Variants in PTPRN2 observed in about 807,000 individuals in gnomAD.
PTPRN2 encodes protein tyrosine phosphatase receptor type N2.
Under a neutral mutation model 118.8 loss-of-function variants are expected in PTPRN2, and 74 were observed. That is an observed-to-expected ratio of 0.62 (90% CI 0.52 to 0.76). PTPRN2 has a LOEUF of 0.76. Among genes scored for constraint, PTPRN2 ranks in the 30% least tolerant of loss-of-function variants. PTPRN2 has a pLI of 0.00. For missense variants in PTPRN2, 1,481 were observed against 1,394.4 expected, an observed-to-expected ratio of 1.06 and a Z score of -0.99; for synonymous variants, 641 against 608.0, an observed-to-expected ratio of 1.05 and a Z score of -0.80.
intron 3 of PTPRN2, among the ~76,000 whole-genome samples, chr7:158,289,825 TA>T (rs920028954): frequency 6.6e-6 from 1 of 152,200 alleles, no homozygotes; most frequent in Non-Finnish European, 1.5e-5. Context: ...TTCGCCTGGG[TA>T]AGCCCTTCAT....
intron 6 of PTPRN2, among the ~76,000 whole-genome samples, chr7:158,155,495 A>G (rs201344695): frequency 2.3e-4 from 28 of 120,246 alleles, no homozygotes; most frequent in South Asian, 5.6e-4. Flanking sequence ...CATCACCATC[A>G]CCATCATCAC....
At chr7:157,738,589 A>G (rs1159480949) in intron 12 of PTPRN2, among the ~76,000 whole-genome samples, 1 of 152,236 alleles carries the variant, frequency 6.6e-6, no homozygotes, top group Non-Finnish European at 1.5e-5. Flanking sequence ...GCTTAGGACA[A>G]AATCCATGTT....
chr7:157,958,549 C>T (rs913820585), intron 11 of PTPRN2, among the ~76,000 whole-genome samples: 13 of 152,100 alleles, frequency 8.5e-5, no homozygotes, highest in Admixed American at 6.5e-4. Flanking sequence ...AATTTATTAA[C>T]AAATTTAGTA....
intron 1 of PTPRN2, among the ~76,000 whole-genome samples, chr7:158,522,578 G>A (rs138744974): frequency 6.8e-4 from 103 of 152,338 alleles, no homozygotes; most frequent in Admixed American, 2.5e-3. Context: ...ACAGCGAATC[G>A]CTCTCTGTAA....
intron 3 of PTPRN2, among the ~76,000 whole-genome samples, chr7:158,299,343 G>A (rs1306392836): frequency 2.6e-5 from 4 of 151,570 alleles, no homozygotes; most frequent in Non-Finnish European, 4.4e-5. Flanking sequence ...TGTTGCCCAG[G>A]CTGGAGTGCA....
At chr7:157,833,241 C>T (rs756012834) in intron 12 of PTPRN2, among the ~76,000 whole-genome samples, 23 of 147,814 alleles carry the variant, frequency 1.6e-4, no homozygotes, top group Non-Finnish European at 3.0e-4. Flanking sequence ...GGCCGGTGCC[C>T]ATCTATCCCA....
chr7:158,249,018 A>G (rs933966388), intron 3 of PTPRN2, among the ~76,000 whole-genome samples: 6 of 149,166 alleles, frequency 4.0e-5, no homozygotes, highest in Non-Finnish European at 8.9e-5. Context: ...ACATATGTGC[A>G]TACATAAACA....
intron 12 of PTPRN2, among the ~76,000 whole-genome samples, chr7:157,840,119 C>CCGCG (rs1808274979): frequency 1.4e-5 from 2 of 143,640 alleles, no homozygotes; most frequent in African/African-American, 5.4e-5. Context: ...GACTGTGTGA[C>CCGCG]TGTGACTGTG....
At chr7:158,329,412 C>T (rs919407347) in intron 2 of PTPRN2, among the ~76,000 whole-genome samples, 9 of 152,188 alleles carry the variant, frequency 5.9e-5, no homozygotes, top group African/African-American at 1.7e-4. Context: ...GGCTGTGTGC[C>T]GAAACCAGCC....
chr7:158,167,503 C>G lies in PTPRN2; in HGVS notation c.550-212G>C, dbSNP rs574584738. On this transcript the variant is annotated intron_variant, in intron 5 of 22. Transcript: ENST00000389418. ...ACTCTCATTTTCACACTGACCAACC[C>G]AGGTCCCTATTTCATATTTGTTCCT... is the stretch of plus-strand genomic sequence containing the variant. Among the ~76,000 whole-genome samples the G allele has an allele frequency of 6.6e-5, 10 of 152,282 alleles. 1 individual carries two copies. The East Asian group carries it at 1.9e-3, about 29-fold the overall frequency.
chr7:158,138,577 C>G, intron 6 of PTPRN2, 62 bp from the exon 7 acceptor site: 1 of 1,500,082 alleles, frequency 6.7e-7, no homozygotes. Context: ...GTGAGGGCCT[C>G]CAGACCATAG....
intron 11 of PTPRN2, among the ~76,000 whole-genome samples, chr7:158,018,312 T>C (rs1330177519): frequency 6.6e-6 from 1 of 152,210 alleles, no homozygotes; most frequent in Non-Finnish European, 1.5e-5. Flanking sequence ...AGGAAAAGGC[T>C]CTTGCCTGTA....
In PTPRN2 at chr7:158,313,783, T is replaced by A. The variant is rs187751008; in HGVS notation, c.277+3036A>T. 6.6e-5 allele frequency among the ~76,000 whole-genome samples: 10 copies of A among 152,392 alleles called. No homozygotes were observed. The East Asian group carries it at 1.9e-3, about 29-fold the overall frequency. On this transcript the variant is annotated intron_variant, in intron 3 of 22. Coordinates refer to ENST00000389418, the MANE Select transcript of PTPRN2 (RefSeq NM_002847.5). Reference sequence around the variant, plus strand: ...TTGCCATTATTTGGTTAGATTATTGTCATGTAATTTAAATTCATGGATATA... The same window carrying A: ...TTGCCATTATTTGGTTAGATTATTGACATGTAATTTAAATTCATGGATATA...
In PTPRN2 at chr7:158,570,177, G is replaced by T. The variant is rs1444367210; in HGVS notation, c.112+17381C>A. On this transcript the variant is annotated intron_variant, in intron 1 of 22. Coordinates refer to ENST00000389418, the MANE Select transcript of PTPRN2 (RefSeq NM_002847.5). The surrounding 1 kb of genome is among the most constrained non-coding windows in gnomAD (Gnocchi z 4.5). ...CCTGCAGGCCGACCTGGGCAGCCAGGCGGGGAGCGCGCAGCCACAGCCCGC... is the reference window on the plus strand; with the variant it reads ...CCTGCAGGCCGACCTGGGCAGCCAGTCGGGGAGCGCGCAGCCACAGCCCGC... 6.6e-6 allele frequency among the ~76,000 whole-genome samples: 1 copy of T among 152,134 alleles called. No individual in the cohort carries two copies. Among genetic ancestry groups the T allele is most frequent in the Non-Finnish European group, 1.5e-5 (1 of 68,012 alleles).
At chr7:158,174,682 T>C (rs1318308144) in intron 5 of PTPRN2, among the ~76,000 whole-genome samples, 4 of 152,206 alleles carry the variant, frequency 2.6e-5, no homozygotes, top group Admixed American at 1.3e-4. Flanking sequence ...AGTTGAGTCA[T>C]AGACATTAAC....
intron 4 of PTPRN2, among the ~76,000 whole-genome samples, chr7:158,197,783 G>A (rs1461154365): frequency 1.3e-5 from 2 of 152,118 alleles, no homozygotes; most frequent in African/African-American, 2.4e-5. Flanking sequence ...ATCAGATCTC[G>A]TGAAAACTCA....
At chr7:158,056,792 C>T (rs755753893) in intron 11 of PTPRN2, among the ~76,000 whole-genome samples, 1 of 152,204 alleles carries the variant, frequency 6.6e-6, no homozygotes, top group South Asian at 2.1e-4. Flanking sequence ...CTCATTGACC[C>T]CCTTGGAGTC....
intron 12 of PTPRN2, among the ~76,000 whole-genome samples, chr7:157,819,257 T>C (rs10250025): frequency 0.15 from 22,154 of 152,136 alleles, 3,124 homozygotes; most frequent in African/African-American, 0.36. Context: ...AAGTGAGCCC[T>C]CACCCCCATG....
intron 3 of PTPRN2, among the ~76,000 whole-genome samples, chr7:158,303,490 A>G (rs1301167489): frequency 6.6e-6 from 1 of 152,258 alleles, no homozygotes; most frequent in Admixed American, 6.5e-5. Context: ...TTATTCTATG[A>G]AAATTTTAAC....
Sources: allele counts gnomAD v4.1 joint callset (sites outside exome capture counted in the v4.1 genomes callset), GRCh38; gene constraint gnomAD v4.1.1; non-coding constraint Gnocchi (gnomAD v3.1); transcripts MANE v1.5; gene names NCBI Gene and HGNC (gene_info 2026-07-23, HGNC 2026-07-21).